Variants in RAPGEF5 observed in about 807,000 individuals in gnomAD.
The protein encoded by RAPGEF5 is M-Ras-regulated GEF.
Under a neutral mutation model 125.2 loss-of-function variants are expected in RAPGEF5, and 65 were observed. That is an observed-to-expected ratio of 0.52 (90% CI 0.43 to 0.64). The LOEUF is 0.64. Ranked by LOEUF, RAPGEF5 falls within the 30% of genes least tolerant of loss-of-function variation. The pLI, the probability that RAPGEF5 is intolerant of heterozygous loss-of-function variation, is 0.00. For missense variants in RAPGEF5, 958 were observed against 1,048.1 expected, an observed-to-expected ratio of 0.91 and a Z score of 1.19; for synonymous variants, 391 against 385.9, an observed-to-expected ratio of 1.01 and a Z score of -0.16.
At chr7:22,130,117 C>T (rs889965033) in intron 24 of RAPGEF5, among the ~76,000 whole-genome samples, 3 of 152,210 alleles carry the variant, frequency 2.0e-5, no homozygotes, top group Admixed American at 2.0e-4. Context: ...ATCACCATTA[C>T]TGAAAAGGTC....
At chr7:22,353,391 G>C (rs1784363771) in intron 1 of RAPGEF5, among the ~76,000 whole-genome samples, 1 of 152,122 alleles carries the variant, frequency 6.6e-6, no homozygotes, top group Non-Finnish European at 1.5e-5. Flanking sequence ...TAATATTTTA[G>C]GTGTGAAAAA....
At chr7:22,170,230 G>A (rs1784308342) in intron 11 of RAPGEF5, among the ~76,000 whole-genome samples, 1 of 152,094 alleles carries the variant, frequency 6.6e-6, no homozygotes, top group Non-Finnish European at 1.5e-5. Context: ...AATTTTTGTA[G>A]TTTGAGTAGA....
chr7:22,273,258 G>C (rs12700368), intron 6 of RAPGEF5, among the ~76,000 whole-genome samples: 1 of 129,730 alleles, frequency 7.7e-6, no homozygotes, highest in Non-Finnish European at 1.5e-5. Context: ...TGGCTCTGTC[G>C]CCCAGGCTTG....
chr7:22,231,049 T>C, intron 7 of RAPGEF5, 130 bp from the exon 8 acceptor site: 1 of 865,158 alleles, frequency 1.2e-6, no homozygotes, highest in African/African-American at 1.7e-5. Context: ...ATTGGCATTA[T>C]TTTTTGTTAA....
chr7:22,135,803 A>T (rs141055280), intron 23 of RAPGEF5, among the ~76,000 whole-genome samples: 1 of 152,190 alleles, frequency 6.6e-6, no homozygotes. Flanking sequence ...TCCAGTGCCA[A>T]GTTTTGTGAG....
chr7:22,217,819 G>A (rs1785677720), intron 9 of RAPGEF5, among the ~76,000 whole-genome samples: 1 of 152,166 alleles, frequency 6.6e-6, no homozygotes, highest in South Asian at 2.1e-4. Context: ...CACGCAAGAA[G>A]TAAAAAATGT....
At chr7:22,293,403 C>T (rs1782978655) in intron 5 of RAPGEF5, among the ~76,000 whole-genome samples, 1 of 152,194 alleles carries the variant, frequency 6.6e-6, no homozygotes. Context: ...CTCACTCCGG[C>T]CTTTGGGAAG....
chr7:22,215,839 T>G (rs928077399), intron 9 of RAPGEF5, among the ~76,000 whole-genome samples: 1 of 152,136 alleles, frequency 6.6e-6, no homozygotes, highest in Non-Finnish European at 1.5e-5. Flanking sequence ...GTCCCCATAG[T>G]GTTTGCCAGA....
At chr7:22,314,616 T>C (rs1475503236) in intron 3 of RAPGEF5, 3 of 982,284 alleles carry the variant, frequency 3.1e-6, no homozygotes, top group African/African-American at 3.5e-5. Flanking sequence ...TTACTCTTGA[T>C]GGGTATTGCA....
intron 7 of RAPGEF5, among the ~76,000 whole-genome samples, chr7:22,245,065 T>A (rs933804535): frequency 6.6e-6 from 1 of 152,244 alleles, no homozygotes; most frequent in Non-Finnish European, 1.5e-5. Context: ...ATTTCTCTCA[T>A]GAATAGTAAT....
chr7:22,303,740 G>C (rs977846632), intron 5 of RAPGEF5, among the ~76,000 whole-genome samples: 2 of 152,198 alleles, frequency 1.3e-5, no homozygotes, highest in African/African-American at 4.8e-5. Flanking sequence ...AAGCATCATA[G>C]AACTAAGAAT....
intron 20 of RAPGEF5, among the ~76,000 whole-genome samples, chr7:22,143,765 C>T (rs1357728167): frequency 6.6e-6 from 1 of 152,208 alleles, no homozygotes; most frequent in Non-Finnish European, 1.5e-5. Context: ...TCCTCTAAAG[C>T]CTCAACAGAC....
intron 11 of RAPGEF5, among the ~76,000 whole-genome samples, chr7:22,180,845 G>A (rs940732673): frequency 1.3e-5 from 2 of 152,188 alleles, no homozygotes; most frequent in Non-Finnish European, 2.9e-5. Context: ...CGAAGACACA[G>A]TGCCTTGGAT....
intron 19 of RAPGEF5, 69 bp from the exon 20 acceptor site, chr7:22,145,291 A>G (rs1783399605): frequency 7.6e-6 from 11 of 1,444,202 alleles, no homozygotes; most frequent in Non-Finnish European, 1.0e-5. Flanking sequence ...ACTCGGTCAA[A>G]TTTTAAGAGC....
chr7:22,133,548 T>C (rs554162491), intron 23 of RAPGEF5, among the ~76,000 whole-genome samples: 1 of 152,258 alleles, frequency 6.6e-6, no homozygotes, highest in South Asian at 2.1e-4. Flanking sequence ...TTTGAAGAGA[T>C]GGCAAGTGGA....
At chr7:22,334,498 G>T (rs1783989175) in intron 1 of RAPGEF5, among the ~76,000 whole-genome samples, 1 of 152,172 alleles carries the variant, frequency 6.6e-6, no homozygotes, top group Non-Finnish European at 1.5e-5. Context: ...ACAAAGATTG[G>T]CAATTTCTGA....
At chr7:22,188,933 G>A (rs953764841) in intron 11 of RAPGEF5, among the ~76,000 whole-genome samples, 1 of 151,558 alleles carries the variant, frequency 6.6e-6, no homozygotes. Flanking sequence ...CCTACTATGT[G>A]TTGCTAAACG....
At chr7:22,318,652 G>A (rs1453555006) in intron 1 of RAPGEF5, among the ~76,000 whole-genome samples, 1 of 152,154 alleles carries the variant, frequency 6.6e-6, no homozygotes, top group East Asian at 1.9e-4. Context: ...AGAAGAACTT[G>A]CCACTCATAA....
At chr7:22,352,091 T>C (rs1487164650) in intron 1 of RAPGEF5, among the ~76,000 whole-genome samples, 3 of 152,132 alleles carry the variant, frequency 2.0e-5, no homozygotes, top group East Asian at 3.8e-4. Context: ...GGTGAGCAAT[T>C]TGGCACAACT....
Sources: allele counts gnomAD v4.1 joint callset (sites outside exome capture counted in the v4.1 genomes callset), GRCh38; gene constraint gnomAD v4.1.1; transcripts MANE v1.5; gene names NCBI Gene and HGNC (gene_info 2026-07-23, HGNC 2026-07-21).